Variants in DNAJC13 observed in about 807,000 individuals in gnomAD.
The protein encoded by DNAJC13 is DnaJ heat shock protein family (Hsp40) member C13, also known as dnaJ homolog subfamily C member 13.
A neutral mutation model predicts 290.5 loss-of-function variants in DNAJC13; 75 were observed. That is an observed-to-expected ratio of 0.26 (90% confidence interval 0.21 to 0.31). The LOEUF is 0.31. Among genes scored for constraint, DNAJC13 ranks in the 10% least tolerant of loss-of-function variants. DNAJC13 has a pLI of 1.00. For missense variants in DNAJC13, 2,260 were observed against 2,674.5 expected, an observed-to-expected ratio of 0.85 and a Z score of 3.42; for synonymous variants, 862 against 892.0, an observed-to-expected ratio of 0.97 and a Z score of 0.60.
intron 2 of DNAJC13, among the ~76,000 whole-genome samples, chr3:132,435,384 A>T (rs1055076451): frequency 6.6e-6 from 1 of 152,232 alleles, no homozygotes; most frequent in Non-Finnish European, 1.5e-5. Context: ...ATCGTGCCAC[A>T]AGGTAAAATG....
rs73860735 is a variant in DNAJC13, at chr3:132,444,154, G to A, written c.69-2321G>A. Among the ~76,000 whole-genome samples the A allele has an allele frequency of 8.6e-3, 1,302 of 152,230 alleles. 13 individuals carry two copies. The highest frequency in any genetic ancestry group is 0.029 in the African/African-American group (1,225 of 41,528). On this transcript the variant is annotated intron_variant, in intron 2 of 55. Coordinates refer to ENST00000260818, the MANE Select transcript of DNAJC13 (RefSeq NM_015268.4). The stretch of plus-strand genomic sequence containing the variant: ...CCTGCACATGAGAGGGATCTAGGTT[G>A]TGTGCTCCTTATGAGAATCTAACTC...
chr3:132,516,357 G>A (rs1935919110), intron 46 of DNAJC13, 65 bp from the exon 47 acceptor site: 4 of 1,437,810 alleles, frequency 2.8e-6, no homozygotes, highest in Non-Finnish European at 3.9e-6. Context: ...CTGGCACAGA[G>A]CTGGTGCCAA....
chr3:132,527,136 T>C (rs1039973007), intron 53 of DNAJC13, among the ~76,000 whole-genome samples: 5 of 152,274 alleles, frequency 3.3e-5, no homozygotes, highest in Non-Finnish European at 7.3e-5. Context: ...GTAGATATGC[T>C]AATTAGCTTG....
At chr3:132,431,063 C>T (rs777311128) in intron 1 of DNAJC13, among the ~76,000 whole-genome samples, 11 of 152,178 alleles carry the variant, frequency 7.2e-5, no homozygotes, top group Non-Finnish European at 1.5e-4. Flanking sequence ...ATTGCTGATG[C>T]CTTTCCAGAA....
intron 2 of DNAJC13, among the ~76,000 whole-genome samples, chr3:132,440,116 G>T (rs1185437308): frequency 6.6e-6 from 1 of 152,202 alleles, no homozygotes. Flanking sequence ...AAATTATCTG[G>T]TGTGGTGGCG....
At chr3:132,500,515 A>C (rs552857508) in intron 38 of DNAJC13, among the ~76,000 whole-genome samples, 11 of 152,320 alleles carry the variant, frequency 7.2e-5, no homozygotes, top group African/African-American at 2.6e-4. Flanking sequence ...CAGCCCTTTA[A>C]AAATCTAAAA....
At chr3:132,531,488 T>C (rs915566485) in intron 55 of DNAJC13, among the ~76,000 whole-genome samples, 1 of 152,228 alleles carries the variant, frequency 6.6e-6, no homozygotes, top group East Asian at 1.9e-4. Context: ...ACTCCAAATA[T>C]GTATAATTGT....
Position 132,533,631 on chromosome 3 carries a change from G to A in DNAJC13, c.6625+2534G>A, listed in dbSNP as rs538923545. 3.3e-5 allele frequency among the ~76,000 whole-genome samples: 5 copies of A among 152,262 alleles called. No homozygotes were observed. In the South Asian group the frequency reaches 1.0e-3, roughly 32 times the overall value. ...GTACTCCCAAAGTCCTGGGATTACAGGTGTGAGCCACTGCACCTGGTCAGC... is the reference window on the plus strand; with the variant it reads ...GTACTCCCAAAGTCCTGGGATTACAAGTGTGAGCCACTGCACCTGGTCAGC... On this transcript the variant is annotated intron_variant, in intron 55 of 55. Coordinates refer to ENST00000260818, the MANE Select transcript of DNAJC13 (RefSeq NM_015268.4).
chr3:132,472,106 C>T (rs1411337659), intron 20 of DNAJC13, among the ~76,000 whole-genome samples: 1 of 149,924 alleles, frequency 6.7e-6, no homozygotes, highest in Non-Finnish European at 1.5e-5. Context: ...CGTGGCGGCG[C>T]GTGCCTGCAA....
At chr3:132,466,205 C>T (rs542068628) in intron 18 of DNAJC13, 94 bp from the exon 19 acceptor site, 2 of 1,432,460 alleles carry the variant, frequency 1.4e-6, no homozygotes, top group East Asian at 2.4e-5. Context: ...AAAGTTTTAC[C>T]CTCAATAGCT....
At position 132,523,671 on chromosome 3, in the gene DNAJC13, G is replaced by C. The variant is rs772160740; in HGVS notation, c.6018G>C (p.Leu2006=). ...LRKPREFLIA[L]LEKLTELLEK... ...AGCCTAGAGAATTTCTTATTGCCCT[G>C]TTAGAAAAATTAACTGAGCTCCTAG... The change falls in exon 51 of 56, where the codon CTG becomes CTC. Residue 2006 remains leucine, a synonymous_variant. Coordinates refer to ENST00000260818, the MANE Select transcript of DNAJC13 (RefSeq NM_015268.4). 1.2e-6 allele frequency: 2 copies of C among 1,613,980 alleles called. No individual in the cohort carries two copies. Among genetic ancestry groups the C allele is most frequent in the Non-Finnish European group, 8.5e-7 (1 of 1,179,926 alleles).
intron 33 of DNAJC13, 147 bp from the exon 34 acceptor site, chr3:132,493,997 A>AT (rs1341262760): frequency 1.6e-6 from 1 of 610,198 alleles, no homozygotes; most frequent in African/African-American, 1.9e-5. Flanking sequence ...TGCTCAGGTG[A>AT]TTTTGGTTAT....
At chr3:132,530,925 G>T (rs1186679273) in intron 54 of DNAJC13, 73 bp from the exon 55 acceptor site, 2 of 1,342,498 alleles carry the variant, frequency 1.5e-6, no homozygotes, top group African/African-American at 2.9e-5. Context: ...TGCTTTGGAA[G>T]TTGGTTTTTC....
chr3:132,471,110 G>T (rs1348924716), intron 20 of DNAJC13, among the ~76,000 whole-genome samples: 6 of 120,618 alleles, frequency 5.0e-5, no homozygotes, highest in African/African-American at 1.8e-4. Context: ...CTGGCCGGGT[G>T]GGGGGGCTGA....
chr3:132,496,467 TGTTTAA>T, intron 35 of DNAJC13, 55 bp from the exon 36 acceptor site: 2 of 1,429,838 alleles, frequency 1.4e-6, no homozygotes, highest in South Asian at 2.9e-5. Flanking sequence ...CCATATGTCT[TGTTTAA>T]GTTGAATTTT....
At chr3:132,532,009 C>T (rs1936431942) in intron 55 of DNAJC13, among the ~76,000 whole-genome samples, 2 of 152,120 alleles carry the variant, frequency 1.3e-5, no homozygotes, top group South Asian at 4.1e-4. Flanking sequence ...TTCATATAGG[C>T]TTCAACATAA....
At chr3:132,484,336 A>G (rs754165895) in intron 28 of DNAJC13, 8 of 535,402 alleles carry the variant, frequency 1.5e-5, no homozygotes, top group Non-Finnish European at 2.4e-5. Context: ...CAATTAAATA[A>G]TAAATAAGAG....
chr3:132,444,057 G>C (rs1176212607), intron 2 of DNAJC13, among the ~76,000 whole-genome samples: 1 of 152,162 alleles, frequency 6.6e-6, no homozygotes, highest in Non-Finnish European at 1.5e-5. Context: ...GGCCTCTTAA[G>C]AACTGGGCCC....
chr3:132,492,272 A>G, intron 32 of DNAJC13, 142 bp from the exon 33 acceptor site: 2 of 916,444 alleles, frequency 2.2e-6, no homozygotes, highest in Non-Finnish European at 3.3e-6. Flanking sequence ...CCAAAGTACC[A>G]TATTTAAAAG....
Sources: gnomAD v4.1 joint callset for allele counts (sites outside exome capture counted in the v4.1 genomes callset) on GRCh38, gnomAD v4.1.1 for gene constraint, MANE v1.5 for transcripts, NCBI Gene and HGNC (gene_info 2026-07-23, HGNC 2026-07-21) for gene names.